Variants in NRXN2 observed in about 807,000 individuals in gnomAD.
NRXN2 encodes neurexin-2-beta.
A neutral mutation model predicts 128.8 loss-of-function variants in NRXN2; 29 were observed. That is an observed-to-expected ratio of 0.23 (90% CI 0.17 to 0.31). NRXN2 has a LOEUF of 0.31. NRXN2 is among the 10% of genes least tolerant of loss of function. The pLI, the probability that NRXN2 is intolerant of heterozygous loss-of-function variation, is 1.00. For synonymous variants in NRXN2, 1,098 were observed against 1,075.2 expected, an observed-to-expected ratio of 1.02 and a Z score of -0.41; for missense variants, 1,881 against 2,452.6, an observed-to-expected ratio of 0.77 and a Z score of 4.92.
Position 64,635,179 on chromosome 11 carries a change from G to A in NRXN2, c.3585+92C>T. 7.0e-7 allele frequency: 1 copy of A among 1,427,392 alleles called. No individual in the cohort carries two copies. The highest frequency in any genetic ancestry group is 1.2e-5 in the South Asian group (1 of 86,358). The allele number at this position is 1,427,392 out of a possible 1,614,324, so 88.4% of individuals were successfully genotyped here. ...GTTCTGAGGGTTCCCCATGAGGGAA[G>A]ACTTGAGGTGCTGATCCCATGGCAA... On this transcript the variant is annotated intron_variant, in intron 18 of 22. Coordinates refer to ENST00000265459, the MANE Select transcript of NRXN2 (RefSeq NM_015080.4). This position sits in a 1 kb window ranked among gnomAD's most constrained non-coding sequence, Gnocchi z 4.8.
chr11:64,651,301 T>C lies in NRXN2; in HGVS notation c.2872A>G (p.Asn958Asp). The change falls in exon 14 of 23, where the codon AAC becomes GAC. Residue 958 changes from asparagine (N) to aspartate (D), a missense_variant. Coordinates refer to ENST00000265459, the MANE Select transcript of NRXN2 (RefSeq NM_015080.4). This position sits in a 1 kb window ranked among gnomAD's most constrained non-coding sequence, Gnocchi z 5.9. ...TTAPDGLLLF[N>D]SGNGNDFIVI... ...ATGAAGTCATTGCCGTTGCCCGAGT[T>C]GAACAGAAGAAGCCCATCAGGGGCC... 1.2e-6 allele frequency: 2 copies of C among 1,614,122 alleles called. No individual in the cohort carries two copies. Among genetic ancestry groups the C allele is most frequent in the Non-Finnish European group, 1.7e-6 (2 of 1,180,018 alleles).
At chr11:64,696,486 AATGT>A (rs1484478238) in intron 3 of NRXN2, among the ~76,000 whole-genome samples, 1 of 150,060 alleles carries the variant, frequency 6.7e-6, no homozygotes, top group Non-Finnish European at 1.5e-5. Flanking sequence ...GAGTTGTATA[AATGT>A]ATGTGTATGC....
At chr11:64,715,059 G>T (rs1458093786) in intron 1 of NRXN2, among the ~76,000 whole-genome samples, 1 of 152,132 alleles carries the variant, frequency 6.6e-6, no homozygotes, top group Non-Finnish European at 1.5e-5. Flanking sequence ...GAGAGAAAGA[G>T]GAAGGAGAGG....
chr11:64,629,739 G>T (rs1263441567), intron 19 of NRXN2, among the ~76,000 whole-genome samples: 2 of 152,148 alleles, frequency 1.3e-5, no homozygotes, highest in Non-Finnish European at 2.9e-5. Flanking sequence ...TAAGTAGGTT[G>T]TCAACAAAGG....
chr11:64,716,354 G>A (rs903844092), intron 1 of NRXN2, among the ~76,000 whole-genome samples: 11 of 151,876 alleles, frequency 7.2e-5, no homozygotes, highest in Admixed American at 1.3e-4. Flanking sequence ...GATGGCAGAC[G>A]GGTTCTGTGG....
intron 5 of NRXN2, chr11:64,688,359 C>A (rs1166927560): frequency 4.1e-6 from 4 of 985,190 alleles, no homozygotes; most frequent in East Asian, 1.1e-4. Context: ...AACCTGAAAG[C>A]CTTCGAGAAG....
intron 9 of NRXN2, among the ~76,000 whole-genome samples, chr11:64,664,429 G>A (rs1201788960): frequency 1.4e-5 from 2 of 147,758 alleles, no homozygotes; most frequent in South Asian, 2.1e-4. Context: ...AGTGAGCCGA[G>A]ATTGCGCCAC....
chr11:64,702,562 C>T (rs1304878567), intron 2 of NRXN2, among the ~76,000 whole-genome samples: 3 of 152,016 alleles, frequency 2.0e-5, no homozygotes, highest in South Asian at 2.1e-4. Flanking sequence ...GGATTAAGGG[C>T]GGTGCAAGAT....
chr11:64,711,649 T>TA (rs2135669557), intron 2 of NRXN2, among the ~76,000 whole-genome samples: 1 of 152,118 alleles, frequency 6.6e-6, no homozygotes, highest in East Asian at 1.9e-4. Context: ...CGCCATTCCA[T>TA]AGTCAGCCCC....
rs77462454 is a variant in NRXN2 at position 64,622,913 on chromosome 11, C to T, written c.4013G>A (p.Arg1338His). The change falls in exon 21 of 23, where the codon CGC (arginine) becomes CAC (histidine). Residue 1338 changes from arginine to histidine, a missense_variant. Physicochemically the swap from Arg to His is conservative, Grantham distance 29. Transcript: ENST00000265459. This position sits in a 1 kb window ranked among gnomAD's most constrained non-coding sequence, Gnocchi z 4.3. Reference protein sequence around the residue: ...DPNVRTEGHLRLVGEGPSVLL... With the variant: ...DPNVRTEGHLHLVGEGPSVLL... Reference sequence around the variant, plus strand: ...CACGGACGGCCCCTCCCCCACCAGGCGCAGGTGACCCTCAGTCCGCACATT... The same window carrying T: ...CACGGACGGCCCCTCCCCCACCAGGTGCAGGTGACCCTCAGTCCGCACATT... 6.8e-6 allele frequency: 11 copies of T among 1,613,226 alleles called. No individual in the cohort carries two copies. The highest frequency in any genetic ancestry group is 1.3e-5 in the African/African-American group (1 of 75,054).
chr11:64,710,471 C>T (rs1485310534), intron 2 of NRXN2, among the ~76,000 whole-genome samples: 4 of 152,298 alleles, frequency 2.6e-5, no homozygotes, highest in Non-Finnish European at 4.4e-5. Context: ...TGAATCCTCT[C>T]AGGGAATGGA....
intron 6 of NRXN2, among the ~76,000 whole-genome samples, chr11:64,681,702 C>T (rs910395745): frequency 2.0e-5 from 3 of 152,200 alleles, no homozygotes; most frequent in African/African-American, 7.2e-5. Flanking sequence ...GGATTTGAAC[C>T]TGGTCTTTCT....
chr11:64,614,085 A>G, intron 22 of NRXN2, among the ~76,000 whole-genome samples: 1 of 152,156 alleles, frequency 6.6e-6, no homozygotes, highest in East Asian at 1.9e-4. Context: ...GAATACAGAG[A>G]GCCCAGAAAT....
intron 5 of NRXN2, among the ~76,000 whole-genome samples, chr11:64,687,949 G>A (rs370900640): frequency 6.6e-6 from 1 of 152,110 alleles, no homozygotes; most frequent in African/African-American, 2.4e-5. Flanking sequence ...TCAAGGACCA[G>A]AAAAAGGAAT....
Position 64,635,236 on chromosome 11 carries a change from C to T in NRXN2, c.3585+35G>A, listed in dbSNP as rs1318801153. The T allele has an allele frequency of 1.9e-6, 3 of 1,610,188 alleles. No individual in the cohort carries two copies. Among genetic ancestry groups the T allele is most frequent in the Non-Finnish European group, 2.5e-6 (3 of 1,179,074 alleles). On this transcript the variant is annotated intron_variant, in intron 18 of 22. Coordinates refer to ENST00000265459, the MANE Select transcript of NRXN2 (RefSeq NM_015080.4). This position sits in a 1 kb window ranked among gnomAD's most constrained non-coding sequence, Gnocchi z 4.8. Reference sequence around the variant, plus strand: ...GCTGAACTGATTTGGGAGCAGGAAGCTTGAGGTTGAAGGGTTGGGGCCCAG... The same window carrying T: ...GCTGAACTGATTTGGGAGCAGGAAGTTTGAGGTTGAAGGGTTGGGGCCCAG...
At chr11:64,627,974 T>C (rs541209344) in intron 19 of NRXN2, among the ~76,000 whole-genome samples, 1 of 152,248 alleles carries the variant, frequency 6.6e-6, no homozygotes, top group Admixed American at 6.5e-5. Context: ...TGGTGCCTCC[T>C]TGGGTGCTTA....
chr11:64,684,095 CCT>C (rs2052680996), intron 6 of NRXN2, among the ~76,000 whole-genome samples: 2 of 152,084 alleles, frequency 1.3e-5, no homozygotes, highest in African/African-American at 2.4e-5. Flanking sequence ...TTTTTTTCCC[CCT>C]CTGTTCCCAG....
Position 64,661,069 on chromosome 11 carries a change from C to G in NRXN2, c.1869G>C (p.Glu623Asp). 1 of 1,613,528 alleles carries G rather than the reference C, an allele frequency of 6.2e-7. No homozygotes were observed. Among genetic ancestry groups the G allele is most frequent in the Non-Finnish European group, 8.5e-7 (1 of 1,180,028 alleles). The change falls in exon 10 of 23, where the codon GAG (glutamate) becomes GAC (aspartate). Residue 623 changes from glutamate (E) to aspartate (D), a missense_variant. Coordinates refer to ENST00000265459, the MANE Select transcript of NRXN2 (RefSeq NM_015080.4). ...ATGDSEILDL[E>D]SELYLGGLPE... is the part of the protein sequence containing the mutation. ...GGAGACCGCCCAGGTACAGCTCACTCTCCAGGTCCAGAATCTCGCTGTCTC... is the reference window on the plus strand; with the variant it reads ...GGAGACCGCCCAGGTACAGCTCACTGTCCAGGTCCAGAATCTCGCTGTCTC...
chr11:64,607,303 T>G lies in NRXN2; in HGVS notation c.5032A>C (p.Ser1678Arg). The G allele has an allele frequency of 6.2e-7, 1 of 1,614,002 alleles. No individual in the cohort carries two copies. Among genetic ancestry groups the G allele is most frequent in the South Asian group, 1.1e-5 (1 of 91,068 alleles). The change falls in exon 23 of 23, where the codon AGT (serine) becomes CGT (arginine). Residue 1678 changes from serine (S) to arginine (R), a missense_variant. By Grantham distance (110) the Ser-to-Arg change is moderately radical. This residue lies in a region of NRXN2 where 63 missense variants were observed against 76.0 expected (regional missense o/e 0.83). Coordinates refer to ENST00000265459, the MANE Select transcript of NRXN2 (RefSeq NM_015080.4). The part of the protein sequence containing the change: ...YQVDQSRNYI[S>R]NSAQSNGAVV... ...GCCCCATTGCTCTGGGCCGAGTTAC[T>G]GATGTAGTTTCGGCTCTGGTCCACC...
Sources: gnomAD v4.1 joint callset for allele counts (sites outside exome capture counted in the v4.1 genomes callset) on GRCh38, gnomAD v4.1.1 for gene constraint, gnomAD v4.1.1 regional missense constraint, Gnocchi (gnomAD v3.1) non-coding constraint, MANE v1.5 for transcripts, NCBI Gene and HGNC (gene_info 2026-07-23, HGNC 2026-07-21) for gene names.